The following ESR1 variants were observed in gnomAD, a reference collection of about 807,000 sequenced individuals.
The protein encoded by ESR1 is estrogen receptor.
A neutral mutation model predicts 52.7 loss-of-function variants in ESR1; 12 were observed. That is an observed-to-expected ratio of 0.23 (90% CI 0.15 to 0.37). ESR1 has a LOEUF of 0.37. ESR1 is among the 10% of genes least tolerant of loss of function. ESR1 has a pLI of 1.00. For missense variants in ESR1, 584 were observed against 779.7 expected, an observed-to-expected ratio of 0.75 and a Z score of 2.99; for synonymous variants, 305 against 316.8, an observed-to-expected ratio of 0.96 and a Z score of 0.39.
At chr6:151,815,168 T>C (rs562113636) in intron 1 of ESR1, among the ~76,000 whole-genome samples, 1 of 152,366 alleles carries the variant, frequency 6.6e-6, no homozygotes, top group Admixed American at 6.5e-5. Flanking sequence ...CTTTGACTTC[T>C]GCTTTTTTAG....
At chr6:151,826,426 C>G (rs1781516102) in intron 1 of ESR1, among the ~76,000 whole-genome samples, 1 of 152,192 alleles carries the variant, frequency 6.6e-6, no homozygotes, top group African/African-American at 2.4e-5. Flanking sequence ...TCTTCCAATG[C>G]AGAGGCTAGA....
At chr6:152,040,948 T>G (rs1232147448) in intron 5 of ESR1, among the ~76,000 whole-genome samples, 2 of 152,170 alleles carry the variant, frequency 1.3e-5, no homozygotes, top group Non-Finnish European at 2.9e-5. Flanking sequence ...CCACTTCCAT[T>G]TGATGATGGA....
At chr6:152,118,125 C>T (rs78698618) in intron 6 of ESR1, 1 of 152,216 alleles carries the variant, frequency 6.6e-6, no homozygotes, top group African/African-American at 2.4e-5. Context: ...ACTGGGTGAC[C>T]AAGAAGCTAA....
intron 4 of ESR1, among the ~76,000 whole-genome samples, chr6:151,950,942 G>A (rs1007502383): frequency 6.6e-6 from 1 of 151,768 alleles, no homozygotes; most frequent in South Asian, 2.1e-4. Flanking sequence ...TTGATTTAAG[G>A]AGGAAGGTTT....
At chr6:151,690,473 G>T (rs1778859762), upstream of ESR1, 1 of 151,998 alleles carries the variant, frequency 6.6e-6, no homozygotes, top group Non-Finnish European at 1.5e-5. Context: ...CTTTATTTTT[G>T]AGTTACTGCA....
intron 4 of ESR1, among the ~76,000 whole-genome samples, chr6:151,964,778 G>T (rs2982697): frequency 6.6e-6 from 1 of 151,406 alleles, no homozygotes; most frequent in Non-Finnish European, 1.5e-5. Context: ...TGTAGCTGGG[G>T]CTACAGGTGC....
At chr6:152,078,853 A>G (rs912204457) in intron 6 of ESR1, among the ~76,000 whole-genome samples, 10 of 152,214 alleles carry the variant, frequency 6.6e-5, no homozygotes, top group African/African-American at 1.7e-4. Context: ...TCACACGCCC[A>G]TGGAGACTTG....
At chr6:152,123,452 T>C (rs2052170690) in intron 6 of ESR1, among the ~76,000 whole-genome samples, 3 of 152,220 alleles carry the variant, frequency 2.0e-5, no homozygotes, top group Admixed American at 2.0e-4. Flanking sequence ...TGACAAGTTT[T>C]TCTATTTCAC....
chr6:152,083,263 A>G (rs2049392071), intron 6 of ESR1, among the ~76,000 whole-genome samples: 1 of 152,226 alleles, frequency 6.6e-6, no homozygotes, highest in Non-Finnish European at 1.5e-5. Context: ...GTACCAAAAT[A>G]GATATATAGA....
At chr6:151,664,415 G>A (rs851997) in intron 1 of ESR1, among the ~76,000 whole-genome samples, 64,371 of 152,010 alleles carry the variant, frequency 0.42, 14,008 homozygotes, top group East Asian at 0.76. Flanking sequence ...AACTATCATG[G>A]AAGAAATAAC....
At chr6:151,737,479 G>T (rs1037692933) in intron 2 of ESR1, among the ~76,000 whole-genome samples, 25 of 152,128 alleles carry the variant, frequency 1.6e-4, no homozygotes, top group African/African-American at 6.0e-4. Flanking sequence ...AAAAGAAAAA[G>T]TTTCTCATAT....
intron 5 of ESR1, among the ~76,000 whole-genome samples, chr6:152,049,065 A>G (rs1585002143): frequency 6.6e-6 from 1 of 152,262 alleles, no homozygotes; most frequent in East Asian, 1.9e-4. Context: ...TGGATATTTG[A>G]GTAGGCACAA....
At chr6:151,918,586 G>C (rs1475010279) in intron 3 of ESR1, among the ~76,000 whole-genome samples, 2 of 152,206 alleles carry the variant, frequency 1.3e-5, no homozygotes, top group African/African-American at 2.4e-5. Context: ...AGACATGCTA[G>C]TGGATGAGAG....
chr6:151,822,377 A>G (rs548736959), intron 1 of ESR1, among the ~76,000 whole-genome samples: 11 of 152,306 alleles, frequency 7.2e-5, no homozygotes, highest in Admixed American at 7.2e-4. Context: ...AAATACTGTC[A>G]AGATCCTTGC....
At chr6:151,787,567 G>T (rs1010813075) in intron 2 of ESR1, among the ~76,000 whole-genome samples, 3 of 152,078 alleles carry the variant, frequency 2.0e-5, no homozygotes, top group South Asian at 2.1e-4. Context: ...CACCTCCCGG[G>T]TTAGCTGTAT....
At chr6:151,709,753 G>C (rs1480748222) in intron 2 of ESR1, among the ~76,000 whole-genome samples, 1 of 148,874 alleles carries the variant, frequency 6.7e-6, no homozygotes, top group Non-Finnish European at 1.5e-5. Context: ...TTTTTTTTTG[G>C]TCAGTGGATT....
chr6:151,783,556 A>T (rs1583269654), intron 2 of ESR1, among the ~76,000 whole-genome samples: 1 of 152,368 alleles, frequency 6.6e-6, no homozygotes, highest in South Asian at 2.1e-4. Flanking sequence ...TTCACTTTAC[A>T]TAAAAGATAT....
At chr6:152,002,152 G>C (rs987364744) in intron 4 of ESR1, among the ~76,000 whole-genome samples, 1 of 150,982 alleles carries the variant, frequency 6.6e-6, no homozygotes, top group Non-Finnish European at 1.5e-5. Flanking sequence ...TGGGTTCTTG[G>C]CAACAACAGG....
intron 2 of ESR1, among the ~76,000 whole-genome samples, chr6:151,864,910 G>A (rs1583786868): frequency 7.2e-6 from 1 of 138,764 alleles, no homozygotes; most frequent in African/African-American, 2.7e-5. Context: ...GACACAGGGT[G>A]GGGAACATTA....
Sources: allele counts gnomAD v4.1 joint callset (sites outside exome capture counted in the v4.1 genomes callset), GRCh38; gene constraint gnomAD v4.1.1; transcripts MANE v1.5; gene names NCBI Gene and HGNC (gene_info 2026-07-23, HGNC 2026-07-21).